Variants in CDC5L observed in about 807,000 individuals in gnomAD.
The protein encoded by CDC5L is cell division cycle 5-like protein.
CDC5L carries 18 observed loss-of-function variants against 104.1 expected under a neutral mutation model. The observed-to-expected ratio is 0.17, with a 90% CI of 0.12 to 0.26. CDC5L has a LOEUF of 0.26. CDC5L is among the 10% of genes least tolerant of loss of function. CDC5L has a pLI of 1.00. For missense variants in CDC5L, 673 were observed against 956.9 expected, an observed-to-expected ratio of 0.70 and a Z score of 3.91; for synonymous variants, 331 against 322.7, an observed-to-expected ratio of 1.03 and a Z score of -0.28.
At chr6:44,408,183 G>A (rs1038497479) in intron 7 of CDC5L, among the ~76,000 whole-genome samples, 1 of 151,754 alleles carries the variant, frequency 6.6e-6, no homozygotes, top group African/African-American at 2.4e-5. Context: ...CTGTGAACTT[G>A]TGATATTAAT....
At chr6:44,422,302 G>C (rs1248173357) in intron 9 of CDC5L, among the ~76,000 whole-genome samples, 1 of 152,198 alleles carries the variant, frequency 6.6e-6, no homozygotes, top group Non-Finnish European at 1.5e-5. Context: ...GAGTCATCTG[G>C]GGTCATTGAG....
At position 44,406,380 on chromosome 6, in the gene CDC5L, A is replaced by G. The variant is rs146175058; in HGVS notation, c.816A>G (p.Glu272=). 1.6e-5 allele frequency: 25 copies of G among 1,607,644 alleles called. No homozygotes were observed. In the African/African-American group the frequency reaches 3.1e-4, roughly 20 times the overall value. The change falls in exon 7 of 16, where the codon GAA becomes GAG. Residue 272 remains glutamate (E), a synonymous_variant. Transcript: ENST00000371477. ...KDKQHLKRKK[E]SDLPSAILQT... Reference sequence around the variant, plus strand: ...AACAGCATTTGAAAAGGAAAAAAGAATCTGATTTACCATCAGCTATTCTTC... The same window carrying G: ...AACAGCATTTGAAAAGGAAAAAAGAGTCTGATTTACCATCAGCTATTCTTC...
At chr6:44,432,521 TA>T (rs758363623) in intron 14 of CDC5L, among the ~76,000 whole-genome samples, 5,873 of 145,720 alleles carry the variant, frequency 0.04, 263 homozygotes, top group African/African-American at 0.11. Context: ...CTGAATGGAT[TA>T]AAAAAAAAAA....
At chr6:44,393,706 C>T in intron 4 of CDC5L, 133 bp downstream of exon 4, 1 of 886,058 alleles carries the variant, frequency 1.1e-6, no homozygotes, top group Non-Finnish European at 1.6e-6. Flanking sequence ...GCTCTGTTAC[C>T]CAGGCTGGAA....
In CDC5L at chr6:44,446,940, C is replaced by A; in HGVS notation, c.*229C>A. ...AAGGCTATCATTCTTTTAGTAATGT[C>A]ATATTTGCAAACTTTTTTAGTTTTG... On this transcript the variant is annotated 3_prime_UTR_variant, in exon 16 of 16. Coordinates refer to ENST00000371477, the MANE Select transcript of CDC5L (RefSeq NM_001253.4). The A allele has an allele frequency of 3.2e-6, 1 of 310,022 alleles. No individual in the cohort carries two copies. Among genetic ancestry groups the A allele is most frequent in the Non-Finnish European group, 5.9e-6 (1 of 170,674 alleles). 19.2% of individuals were successfully genotyped at this position (310,022 alleles called of 1,614,324 possible).
chr6:44,410,005 T>A (rs564561719), intron 8 of CDC5L, among the ~76,000 whole-genome samples: 3 of 152,118 alleles, frequency 2.0e-5, no homozygotes, highest in Non-Finnish European at 4.4e-5. Flanking sequence ...TTTTGATATA[T>A]GTATACCTTA....
chr6:44,426,078 A>G (rs775521217), intron 11 of CDC5L, 25 bp from the exon 12 acceptor site: 1 of 1,512,178 alleles, frequency 6.6e-7, no homozygotes. Context: ...TAGCTGCAAT[A>G]AAGGATATAA....
At chr6:44,441,338 T>G (rs1367326431) in intron 14 of CDC5L, among the ~76,000 whole-genome samples, 1 of 152,254 alleles carries the variant, frequency 6.6e-6, no homozygotes, top group Non-Finnish European at 1.5e-5. Context: ...TTTTAAAGAC[T>G]GAATAGTATT....
At chr6:44,392,597 T>A (rs1288539121) in intron 2 of CDC5L, 70 bp from the exon 3 acceptor site, 16 of 1,341,850 alleles carry the variant, frequency 1.2e-5, no homozygotes, top group Non-Finnish European at 1.4e-5. Context: ...CAAGTCAGTG[T>A]ATCCATTGTG....
Position 44,403,810 on chromosome 6 carries a change from C to T in CDC5L, c.541C>T (p.Arg181Cys). The T allele has an allele frequency of 1.3e-6, 2 of 1,599,032 alleles. No individual in the cohort carries two copies. Among genetic ancestry groups the T allele is most frequent in the Non-Finnish European group, 1.7e-6 (2 of 1,174,812 alleles). Reference protein sequence around the residue: ...AREKQLEEARRLAALQKRREL... With the variant: ...AREKQLEEARCLAALQKRREL... ...AAAGTGATTTTGCATTCTTTTCAGA[C>T]GTCTTGCTGCCCTCCAAAAAAGAAG... The change falls in exon 6 of 16, where the codon CGT becomes TGT. Residue 181 changes from arginine (R) to cysteine (C), a missense_variant and splice_region_variant. By Grantham distance (180) the Arg-to-Cys change is radical. Coordinates refer to ENST00000371477, the MANE Select transcript of CDC5L (RefSeq NM_001253.4).
At chr6:44,422,018 T>C (rs1469868001) in intron 9 of CDC5L, among the ~76,000 whole-genome samples, 1 of 151,940 alleles carries the variant, frequency 6.6e-6, no homozygotes, top group Non-Finnish European at 1.5e-5. Flanking sequence ...ATACAGGAAA[T>C]AGGCAACCAG....
Position 44,387,719 on chromosome 6 carries a change from G to A in CDC5L, c.-105G>A. On this transcript the variant is annotated 5_prime_UTR_variant, in exon 1 of 16. Coordinates refer to ENST00000371477, the MANE Select transcript of CDC5L (RefSeq NM_001253.4). ...GCTTGCGCAGATCTTCAAAGCAGAA[G>A]GTCGCGCTTGGAGGAAGTGGCGGCT... 1 of 1,005,222 alleles carries A rather than the reference G, an allele frequency of 9.9e-7. No homozygotes were observed. The highest frequency in any genetic ancestry group is 1.5e-6 in the Non-Finnish European group (1 of 655,020). The allele number at this position is 1,005,222 out of a possible 1,614,324, so 62.3% of individuals were successfully genotyped here.
In CDC5L at chr6:44,448,702, A is replaced by G. The variant is rs1476632121; in HGVS notation, c.*1991A>G. ...GAATAATGATAGTGTTTCTTCTGAT[A>G]GTTTTATTTCACTTTTATTGCATGT... On this transcript the variant is annotated 3_prime_UTR_variant, in exon 16 of 16. Transcript: ENST00000371477. 1 of 152,198 alleles carries G rather than the reference A, an allele frequency of 6.6e-6. No individual in the cohort carries two copies. Among genetic ancestry groups the G allele is most frequent in the Non-Finnish European group, 1.5e-5 (1 of 68,020 alleles). The allele number at this position is 152,198 out of a possible 1,614,324, so 9.4% of individuals were successfully genotyped here. A position where few individuals can be genotyped will look rare whatever the true frequency, so the allele number is the denominator to read the frequency against.
chr6:44,396,680 C>T (rs1790884550), intron 5 of CDC5L, among the ~76,000 whole-genome samples: 1 of 152,088 alleles, frequency 6.6e-6, no homozygotes, highest in African/African-American at 2.4e-5. Context: ...GACTGAACCC[C>T]AGTTTTGATG....
rs57508430 is a variant in CDC5L, at chr6:44,394,891, TACACACAC to T, written c.439+1339_439+1346del. 2.8e-3 allele frequency among the ~76,000 whole-genome samples: 346 copies of T among 125,800 alleles called. 4 individuals carry two copies. The highest frequency in any genetic ancestry group is 0.012 in the Middle Eastern group (3 of 256). 82.5% of individuals were successfully genotyped at this position (125,800 alleles called of 152,430 possible). On this transcript the variant is annotated intron_variant, in intron 4 of 15. Coordinates refer to ENST00000371477, the MANE Select transcript of CDC5L (RefSeq NM_001253.4). ...AAAAAAAAAAAAAAAAAAAATGGTATACACACACACACACACACACACACACACGAATA... is the reference window on the plus strand; with the variant it reads ...AAAAAAAAAAAAAAAAAAAATGGTATACACACACACACACACACACGAATA...
Position 44,422,784 on chromosome 6 carries a change from G to A in CDC5L, c.1379G>A (p.Ser460Asn). 6.2e-7 allele frequency: 1 copy of A among 1,612,174 alleles called. No individual in the cohort carries two copies. Among genetic ancestry groups the A allele is most frequent in the Non-Finnish European group, 8.5e-7 (1 of 1,179,052 alleles). The change falls in exon 10 of 16, where the codon AGT becomes AAT. Residue 460 changes from serine to asparagine, a missense_variant. This residue lies in a region of CDC5L where 578 missense variants were observed against 737.0 expected (regional missense o/e 0.78). Transcript: ENST00000371477. ...CCCGAGGATGGAATGGCAGACTATAGTGATCCCTCTTACGTGAAGCAGATG... is the reference window on the plus strand; with the variant it reads ...CCCGAGGATGGAATGGCAGACTATAATGATCCCTCTTACGTGAAGCAGATG... ...INPEDGMADYSDPSYVKQMER... is the reference protein window; with the variant it reads ...INPEDGMADYNDPSYVKQMER...
chr6:44,409,128 T>C (rs1467566998), intron 8 of CDC5L, among the ~76,000 whole-genome samples: 1 of 152,210 alleles, frequency 6.6e-6, no homozygotes, highest in African/African-American at 2.4e-5. Flanking sequence ...ACATCTCATT[T>C]CCTCATCTCT....
At chr6:44,424,727 CATT>C in intron 11 of CDC5L, 144 bp downstream of exon 11, 1 of 662,846 alleles carries the variant, frequency 1.5e-6, no homozygotes, top group Non-Finnish European at 2.5e-6. Context: ...TAACTTATGT[CATT>C]AATAATGTAT....
At chr6:44,406,511 C>CTT (rs1396292058) in intron 7 of CDC5L, 44 bp downstream of exon 7, 1 of 1,526,468 alleles carries the variant, frequency 6.6e-7, no homozygotes, top group Non-Finnish European at 9.0e-7. Context: ...AATTTATATG[C>CTT]TTATATCATT....
Sources: gnomAD v4.1 joint callset for allele counts (sites outside exome capture counted in the v4.1 genomes callset) on GRCh38, gnomAD v4.1.1 for gene constraint, gnomAD v4.1.1 regional missense constraint, MANE v1.5 for transcripts, NCBI Gene and HGNC (gene_info 2026-07-23, HGNC 2026-07-21) for gene names.